The following OTOGL variants were observed in gnomAD, a reference collection of about 807,000 sequenced individuals.
OTOGL encodes the protein otogelin-like protein.
In OTOGL, 285 loss-of-function variants were observed where a neutral mutation model predicts 318.5. The observed-to-expected ratio is 0.89, with a 90% confidence interval of 0.81 to 0.99. The LOEUF is 0.99. Ranked by LOEUF, OTOGL falls within the 50% of genes least tolerant of loss-of-function variation. The probability of loss-of-function intolerance (pLI) is 0.00; values close to 1 mark genes in which losing one functional copy is unlikely to be tolerated. For missense variants in OTOGL, 2,899 were observed against 2,845.6 expected (o/e 1.02, Z -0.43); for synonymous variants, 987 against 936.5 (o/e 1.05, Z -0.99).
chr12:80,168,808 T>G lies in OTOGL; in HGVS notation c.-19-40605T>G, dbSNP rs568533058. ...GACAGAGAAATAGGAGTTGAGAAAC[T>G]AGTTTCTAGTTTGGTGAACAGAACC... On this transcript the variant is annotated intron_variant, in intron 1 of 58. Coordinates refer to ENST00000547103, the MANE Select transcript of OTOGL (RefSeq NM_001378609.3). 7.2e-5 allele frequency among the ~76,000 whole-genome samples: 11 copies of G among 152,320 alleles called. No individual in the cohort carries two copies. In the South Asian group the frequency reaches 2.3e-3, roughly 32 times the overall value.
intron 23 of OTOGL, among the ~76,000 whole-genome samples, 158 bp downstream of exon 23, chr12:80,270,312 C>A (rs373506438): frequency 6.6e-6 from 1 of 152,074 alleles, no homozygotes; most frequent in African/African-American, 2.4e-5. Context: ...TAACTTTTTC[C>A]ACATTGAAAA....
intron 11 of OTOGL, 78 bp downstream of exon 11, chr12:80,239,517 C>T: frequency 1.0e-6 from 1 of 990,634 alleles, no homozygotes; most frequent in East Asian, 2.6e-5. Flanking sequence ...TGTTACTTAA[C>T]CATTTCAGCT....
rs11114413 is a variant in OTOGL at position 80,352,905 on chromosome 12, C to T, written c.5408-420C>T. Among the ~76,000 whole-genome samples, 836 of 152,300 alleles carry T rather than the reference C, an allele frequency of 5.5e-3. 8 individuals carry two copies. The highest frequency in any genetic ancestry group is 0.02 in the African/African-American group (812 of 41,566). ...TTTCTTTTGACAGTGAAGGATCAAA[C>T]CTAAATATACAACATTTTTCTTTTT... On this transcript the variant is annotated intron_variant, in intron 45 of 58. Transcript: ENST00000547103.
intron 1 of OTOGL, among the ~76,000 whole-genome samples, chr12:80,099,878 A>G (rs1379504249): frequency 1.3e-5 from 2 of 152,222 alleles, no homozygotes; most frequent in Admixed American, 6.5e-5. Context: ...GGAAAAATCA[A>G]TGGTTTAGTT....
chr12:80,108,718 T>A (rs1418298963), intron 1 of OTOGL, among the ~76,000 whole-genome samples: 1 of 148,112 alleles, frequency 6.8e-6, no homozygotes, highest in Non-Finnish European at 1.5e-5. Flanking sequence ...CCCACCTCCT[T>A]TCTTTAGTAA....
chr12:80,338,863 C>T (rs982989786), intron 42 of OTOGL, among the ~76,000 whole-genome samples: 1 of 151,792 alleles, frequency 6.6e-6, no homozygotes, highest in Non-Finnish European at 1.5e-5. Flanking sequence ...AAGGCAATGA[C>T]GTTAGAACAC....
Position 80,335,948 on chromosome 12 carries a change from T to A in OTOGL, c.4423-15T>A, listed in dbSNP as rs991471669. ...CTGAGAATGAAAAAACCCACTAATCTTTTTTTATTAACAGCCTCAGAAATT... is the reference window on the plus strand; with the variant it reads ...CTGAGAATGAAAAAACCCACTAATCATTTTTTATTAACAGCCTCAGAAATT... On this transcript the variant is annotated splice_polypyrimidine_tract_variant and intron_variant, in intron 38 of 58. Coordinates refer to ENST00000547103, the MANE Select transcript of OTOGL (RefSeq NM_001378609.3). 6.7e-7 allele frequency: 1 copy of A among 1,496,710 alleles called. No homozygotes were observed. The highest frequency in any genetic ancestry group is 8.9e-7 in the Non-Finnish European group (1 of 1,125,910). The allele number at this position is 1,496,710 out of a possible 1,614,324, so 92.7% of individuals were successfully genotyped here.
chr12:80,108,703 TC>T (rs1160897969), intron 1 of OTOGL, among the ~76,000 whole-genome samples: 2 of 148,704 alleles, frequency 1.3e-5, no homozygotes, highest in African/African-American at 4.9e-5. Context: ...ATAAAGACGT[TC>T]TCCCCCACCT....
chr12:80,313,110 A>G (rs1433505299), intron 30 of OTOGL, among the ~76,000 whole-genome samples: 1 of 152,240 alleles, frequency 6.6e-6, no homozygotes, highest in Non-Finnish European at 1.5e-5. Flanking sequence ...AAAGGAAAGA[A>G]GGAAGAAAGA....
chr12:80,239,079 TA>T, intron 10 of OTOGL, 101 bp downstream of exon 10: 1 of 1,285,810 alleles, frequency 7.8e-7, no homozygotes, highest in South Asian at 1.8e-5. Context: ...CAACATAATT[TA>T]AAAATATTAT....
chr12:80,173,420 AT>A (rs1874335345), intron 1 of OTOGL, among the ~76,000 whole-genome samples: 1 of 152,098 alleles, frequency 6.6e-6, no homozygotes, highest in Non-Finnish European at 1.5e-5. Flanking sequence ...TTGCCATGGC[AT>A]TTGTAAACTG....
rs371872007 is a variant in OTOGL at position 80,223,421 on chromosome 12, CTTCTT to C, written c.489+1182_489+1186del. On this transcript the variant is annotated intron_variant, in intron 7 of 58. Transcript: ENST00000547103. ...GCAGGTATCTTTTTTTGTATAATGA[CTTCTT>C]TTCTTCTGGGGAGATACCTAGGAGT... 4.6e-3 allele frequency among the ~76,000 whole-genome samples: 700 copies of C among 151,828 alleles called. 7 individuals are homozygous for C. The highest frequency in any genetic ancestry group is 0.016 in the African/African-American group (656 of 41,438).
chr12:80,323,086 T>C (rs1005492842), intron 34 of OTOGL, among the ~76,000 whole-genome samples: 14 of 146,098 alleles, frequency 9.6e-5, no homozygotes, highest in African/African-American at 3.6e-4. Context: ...TGAAGACAGA[T>C]GAAAACCCAC....
chr12:80,291,114 C>G (rs1885015054), intron 26 of OTOGL, among the ~76,000 whole-genome samples: 1 of 152,100 alleles, frequency 6.6e-6, no homozygotes, highest in African/African-American at 2.4e-5. Flanking sequence ...TGTCTTAACT[C>G]TGAGTCCTGG....
In OTOGL at chr12:80,294,061, G is replaced by A. The variant is rs894281966; in HGVS notation, c.2929-2766G>A. Among the ~76,000 whole-genome samples, 18 of 152,212 alleles carry A rather than the reference G, an allele frequency of 1.2e-4. 1 individual carries two copies. In the South Asian group the frequency reaches 2.7e-3, roughly 23 times the overall value. Reference sequence around the variant, plus strand: ...AAAGCTTTTAGTACCTGAGAATAAAGGGTTTTGAGGAGCCCAGGTGACACA... The same window carrying A: ...AAAGCTTTTAGTACCTGAGAATAAAAGGTTTTGAGGAGCCCAGGTGACACA... On this transcript the variant is annotated intron_variant, in intron 26 of 58. Coordinates refer to ENST00000547103, the MANE Select transcript of OTOGL (RefSeq NM_001378609.3).
In OTOGL at chr12:80,336,805, C is replaced by T. The variant is rs2137915647; in HGVS notation, c.4752C>T (p.Asn1584=). Residue 1584 remains asparagine (N), a synonymous_variant, in exon 41 of 59, where the codon AAC becomes AAT. Transcript: ENST00000547103. ...TCTTTTTTTTTTTCCAGAATGGAAA[C>T]TCCTTAAAAAAGCTAGTGAGTATTT... The part of the protein sequence containing the change: ...IEKCSMNQNG[N]SLKKLAPSGR... 1 of 1,520,832 alleles carries T rather than the reference C, an allele frequency of 6.6e-7. No individual in the cohort carries two copies. Among genetic ancestry groups the T allele is most frequent in the South Asian group, 1.2e-5 (1 of 82,102 alleles). 94.2% of individuals were successfully genotyped at this position (1,520,832 alleles called of 1,614,324 possible).
At chr12:80,170,205 GTGTGTGTGTATGTATGTGTGTGTGTGTA>G (rs1565886714) in intron 1 of OTOGL, among the ~76,000 whole-genome samples, 5 of 115,610 alleles carry the variant, frequency 4.3e-5, no homozygotes, top group African/African-American at 1.0e-4. Flanking sequence ...GTGTGTGTGT[GTGTGTGTGTATGTATGTGTGTGTGTGTA>G]TGTATGTATG....
chr12:80,111,734 G>A (rs1592460799), intron 1 of OTOGL, among the ~76,000 whole-genome samples: 1 of 151,990 alleles, frequency 6.6e-6, no homozygotes, highest in Non-Finnish European at 1.5e-5. Context: ...TATACAGGCT[G>A]TTTTTTGGTT....
intron 1 of OTOGL, among the ~76,000 whole-genome samples, chr12:80,168,681 T>C (rs527892856): frequency 6.6e-6 from 1 of 152,314 alleles, no homozygotes; most frequent in South Asian, 2.1e-4. Context: ...TGGAAGATAT[T>C]GTTTAATAGA....
Sources: allele counts gnomAD v4.1 joint callset (sites outside exome capture counted in the v4.1 genomes callset), GRCh38; gene constraint gnomAD v4.1.1; transcripts MANE v1.5; gene names NCBI Gene and HGNC (gene_info 2026-07-23, HGNC 2026-07-21).